BBOX1: variants seen among roughly 807,000 people sequenced by gnomAD.
BBOX1 encodes gamma-butyrobetaine dioxygenase.
In BBOX1, 35 loss-of-function variants were observed where a neutral mutation model predicts 41.6. The ratio of observed to expected loss-of-function variants is 0.84; its 90% CI spans 0.64 to 1.11. BBOX1 has a LOEUF of 1.11. BBOX1 is among the 50% of genes most tolerant of loss of function. BBOX1 has a pLI of 0.00. For missense variants in BBOX1, 458 were observed against 460.6 expected, an observed-to-expected ratio of 0.99 and a Z score of 0.05; for synonymous variants, 163 against 154.7, an observed-to-expected ratio of 1.05 and a Z score of -0.40.
intron 4 of BBOX1, 113 bp downstream of exon 4, chr11:27,057,428 C>A: frequency 2.5e-6 from 2 of 799,660 alleles, no homozygotes; most frequent in Non-Finnish European, 4.0e-6. Context: ...AAATATGTGA[C>A]ATGTAAATTA....
chr11:27,045,158 G>A (rs989549892), intron 2 of BBOX1, among the ~76,000 whole-genome samples: 1 of 151,990 alleles, frequency 6.6e-6, no homozygotes, highest in African/African-American at 2.4e-5. Flanking sequence ...CTTCTAACTT[G>A]GATTCCTAGA....
intron 4 of BBOX1, among the ~76,000 whole-genome samples, chr11:27,073,525 C>A (rs889619714): frequency 6.8e-6 from 1 of 148,094 alleles, no homozygotes; most frequent in Non-Finnish European, 1.5e-5. Flanking sequence ...GGATCTAGAA[C>A]TAGAAATACC....
In BBOX1 at chr11:27,055,606, A is replaced by C; in HGVS notation, c.176A>C (p.Asp59Ala). ...KARKLLVEAL[D>A]VNIGIKGLIF... Reference sequence around the variant, plus strand: ...CGGAAACTTCTAGTGGAAGCTCTTGATGTGAACATTGGAATTAAAGGCTTG... The same window carrying C: ...CGGAAACTTCTAGTGGAAGCTCTTGCTGTGAACATTGGAATTAAAGGCTTG... The change falls in exon 3 of 9, where the codon GAT (aspartate) becomes GCT (alanine). Residue 59 changes from aspartate (D) to alanine (A), a missense_variant. Physicochemically the swap from Asp to Ala is moderately radical, Grantham distance 126 (BLOSUM62 -2). Coordinates refer to ENST00000263182, the MANE Select transcript of BBOX1 (RefSeq NM_003986.3). 1 of 1,614,164 alleles carries C rather than the reference A, an allele frequency of 6.2e-7. No individual in the cohort carries two copies. The highest frequency in any genetic ancestry group is 1.1e-5 in the South Asian group (1 of 91,084).
At chr11:27,060,447 A>T (rs1431691690) in intron 4 of BBOX1, among the ~76,000 whole-genome samples, 1 of 152,132 alleles carries the variant, frequency 6.6e-6, no homozygotes, top group African/African-American at 2.4e-5. Flanking sequence ...TGAATTACAC[A>T]GTCTCAGGTA....
At chr11:27,091,697 G>A (rs1288564658) in intron 4 of BBOX1, among the ~76,000 whole-genome samples, 2 of 151,970 alleles carry the variant, frequency 1.3e-5, no homozygotes, top group Non-Finnish European at 2.9e-5. Context: ...CTCACAGAGA[G>A]AAAAGAGTTA....
Position 27,055,764 on chromosome 11 carries a change from C to A in BBOX1, c.219+115C>A, listed in dbSNP as rs1473179744. On this transcript the variant is annotated intron_variant, in intron 3 of 8. Transcript: ENST00000263182. ...TCACGCATATATAACCGCATATGAACCCACGTTTGTATAGTACTTGGTGCG... is the reference window on the plus strand; with the variant it reads ...TCACGCATATATAACCGCATATGAAACCACGTTTGTATAGTACTTGGTGCG... 1.8e-5 allele frequency: 16 copies of A among 897,592 alleles called. No homozygotes were observed. In the Admixed American group the frequency reaches 3.9e-4, roughly 22 times the overall value. 55.6% of individuals were successfully genotyped at this position (897,592 alleles called of 1,614,324 possible).
intron 5 of BBOX1, among the ~76,000 whole-genome samples, chr11:27,108,911 TTACCGTA>T (rs1435479282): frequency 1.3e-5 from 2 of 152,126 alleles, no homozygotes; most frequent in Admixed American, 1.3e-4. Context: ...CTAATACCCT[TTACCGTA>T]TACCGTATGA....
chr11:27,120,397 T>C (rs534743276), intron 7 of BBOX1, among the ~76,000 whole-genome samples: 4 of 152,212 alleles, frequency 2.6e-5, no homozygotes, highest in Admixed American at 6.5e-5. Context: ...CCTGAATCAA[T>C]CATCATGGCC....
intron 7 of BBOX1, among the ~76,000 whole-genome samples, chr11:27,120,574 C>A (rs966203148): frequency 2.6e-5 from 4 of 152,082 alleles, no homozygotes; most frequent in African/African-American, 9.7e-5. Flanking sequence ...ATTTTGTATT[C>A]TCCCTTTCTT....
At chr11:27,057,064 T>TGTAAAAAAAAAAAAAAAAAAAAAAAAA (rs749866128) in intron 3 of BBOX1, 137 bp from the exon 4 acceptor site, 1 of 140,696 alleles carries the variant, frequency 7.1e-6, no homozygotes. Context: ...GACTCCGACT[T>TGTAAAAAAAAAAAAAAAAAAAAAAAAA]AAAAAAAAAA....
At chr11:27,083,980 T>G (rs1857942190) in intron 4 of BBOX1, among the ~76,000 whole-genome samples, 1 of 152,088 alleles carries the variant, frequency 6.6e-6, no homozygotes, top group African/African-American at 2.4e-5. Context: ...CATAGCCCCT[T>G]AGCACTTGTC....
At chr11:27,050,544 T>G (rs1851638433) in intron 2 of BBOX1, among the ~76,000 whole-genome samples, 1 of 152,124 alleles carries the variant, frequency 6.6e-6, no homozygotes, top group Non-Finnish European at 1.5e-5. Flanking sequence ...TCTTATAGCT[T>G]TCAGTGTATA....
At chr11:27,041,563 G>A (rs1377173824) in intron 2 of BBOX1, 85 bp downstream of exon 2, 3 of 152,186 alleles carry the variant, frequency 2.0e-5, no homozygotes, top group African/African-American at 7.2e-5. Flanking sequence ...TATTGCAAGG[G>A]TTTGTGAATT....
chr11:27,055,426 G>C lies in BBOX1; in HGVS notation c.-5G>C. On this transcript the variant is annotated 5_prime_UTR_variant, in exon 3 of 9. Coordinates refer to ENST00000263182, the MANE Select transcript of BBOX1 (RefSeq NM_003986.3). ...TGACAGCATCTACTCCTGAAGACCG[G>C]AAACATGGCTTGTACCATCCAAAAG... 1.2e-6 allele frequency: 2 copies of C among 1,612,160 alleles called. No homozygotes were observed. Among genetic ancestry groups the C allele is most frequent in the South Asian group, 2.2e-5 (2 of 91,004 alleles).
At chr11:27,070,706 A>ATTTTTTTTTTTTTTTTT (rs58041903) in intron 4 of BBOX1, among the ~76,000 whole-genome samples, 2 of 133,726 alleles carry the variant, frequency 1.5e-5, no homozygotes, top group African/African-American at 5.6e-5. Context: ...TTTGTGATTG[A>ATTTTTTTTTTTTTTTTT]TTTTTTTTTT....
intron 2 of BBOX1, among the ~76,000 whole-genome samples, chr11:27,045,406 T>A (rs1424783976): frequency 6.6e-6 from 1 of 152,192 alleles, no homozygotes; most frequent in Admixed American, 6.5e-5. Flanking sequence ...CTTTTCCTAA[T>A]TGAATACGCT....
At chr11:27,118,716 G>A (rs1340045129) in intron 6 of BBOX1, among the ~76,000 whole-genome samples, 2 of 152,050 alleles carry the variant, frequency 1.3e-5, no homozygotes, top group Admixed American at 6.6e-5. Context: ...TCTATTTGAA[G>A]ATTGTATTAA....
chr11:27,102,526 C>T (rs904650219), intron 5 of BBOX1, among the ~76,000 whole-genome samples: 6 of 151,976 alleles, frequency 3.9e-5, no homozygotes, highest in African/African-American at 1.4e-4. Flanking sequence ...GTGTTCACTT[C>T]CTTTCTTTCC....
chr11:27,119,543 G>A lies in BBOX1; in HGVS notation c.640-106G>A, dbSNP rs988874460. On this transcript the variant is annotated intron_variant, in intron 6 of 8. Coordinates refer to ENST00000263182, the MANE Select transcript of BBOX1 (RefSeq NM_003986.3). ...ATCTTTAACACAGTATCAAAAAATGGTGCATGTATATTATTTTATTTTATT... is the reference window on the plus strand; with the variant it reads ...ATCTTTAACACAGTATCAAAAAATGATGCATGTATATTATTTTATTTTATT... 3 of 665,118 alleles carry A rather than the reference G, an allele frequency of 4.5e-6. No homozygotes were observed. The African/African-American group carries it at 5.8e-5, about 13-fold the overall frequency. The allele number at this position is 665,118 out of a possible 1,614,324, so 41.2% of individuals were successfully genotyped here.
Sources: gnomAD v4.1 joint callset for allele counts (sites outside exome capture counted in the v4.1 genomes callset) on GRCh38, gnomAD v4.1.1 for gene constraint, MANE v1.5 for transcripts, NCBI Gene and HGNC (gene_info 2026-07-23, HGNC 2026-07-21) for gene names.